Variants in WWOX observed in about 807,000 individuals in gnomAD.
WWOX encodes the protein WW domain containing oxidoreductase.
Under a neutral mutation model 46.2 loss-of-function variants are expected in WWOX, and 69 were observed. That is an observed-to-expected ratio of 1.49 (90% CI 1.23 to 1.82). WWOX has a LOEUF of 1.82. Among genes scored for constraint, WWOX ranks in the 40% most tolerant of loss-of-function variants. WWOX has a pLI of 0.00. For synonymous variants in WWOX, 359 were observed against 202.6 expected, an observed-to-expected ratio of 1.77 and a Z score of -6.56; for missense variants, 919 against 542.6, an observed-to-expected ratio of 1.69 and a Z score of -6.89.
At chr16:78,518,691 A>G (rs548785300) in intron 8 of WWOX, among the ~76,000 whole-genome samples, 2 of 152,332 alleles carry the variant, frequency 1.3e-5, no homozygotes, top group East Asian at 1.9e-4. Context: ...AGCAGCCACC[A>G]TGCAAGGTCC....
At chr16:79,110,919 G>A (rs776789043) in intron 8 of WWOX, 4 of 152,170 alleles carry the variant, frequency 2.6e-5, no homozygotes, top group African/African-American at 9.7e-5. Context: ...ATGAGATATC[G>A]AGACATGCCT....
chr16:78,592,625 GC>G (rs2045378080), intron 8 of WWOX, among the ~76,000 whole-genome samples: 1 of 152,186 alleles, frequency 6.6e-6, no homozygotes, highest in Non-Finnish European at 1.5e-5. Flanking sequence ...GGAAGACAAG[GC>G]CTGGCATATT....
intron 5 of WWOX, among the ~76,000 whole-genome samples, chr16:78,261,746 GTGTGTC>G (rs1161849449): frequency 1.4e-5 from 2 of 139,316 alleles, no homozygotes; most frequent in Non-Finnish European, 3.1e-5. Context: ...ATGTGTGTGT[GTGTGTC>G]TGTCTATCTA....
chr16:78,477,916 G>C (rs563981493), intron 8 of WWOX, among the ~76,000 whole-genome samples: 2 of 152,200 alleles, frequency 1.3e-5, no homozygotes, highest in Admixed American at 6.5e-5. Context: ...AAGATATTCT[G>C]GTTATGTTCG....
chr16:78,346,044 C>G (rs2081089336), intron 5 of WWOX, among the ~76,000 whole-genome samples: 2 of 121,470 alleles, frequency 1.6e-5, no homozygotes, highest in African/African-American at 5.6e-5. Flanking sequence ...CAGACAGCCT[C>G]AGCTCCAGGA....
chr16:79,041,762 T>C (rs990237831), intron 8 of WWOX, among the ~76,000 whole-genome samples: 1 of 152,158 alleles, frequency 6.6e-6, no homozygotes, highest in African/African-American at 2.4e-5. Flanking sequence ...CTTTAATGCT[T>C]TACACTTTTG....
chr16:78,464,615 G>A (rs183377942), intron 8 of WWOX, among the ~76,000 whole-genome samples: 1 of 152,252 alleles, frequency 6.6e-6, no homozygotes, highest in Non-Finnish European at 1.5e-5. Flanking sequence ...AGCAAGTCAG[G>A]ATTTGAAGGC....
intron 8 of WWOX, among the ~76,000 whole-genome samples, chr16:79,134,464 TGC>T (rs2049943882): frequency 6.6e-6 from 1 of 152,172 alleles, no homozygotes; most frequent in African/African-American, 2.4e-5. Context: ...GGGAGCTATG[TGC>T]AGAATGAGGT....
chr16:78,770,539 G>A (rs371978385), intron 8 of WWOX, among the ~76,000 whole-genome samples: 218 of 152,236 alleles, frequency 1.4e-3, no homozygotes, highest in African/African-American at 5.0e-3. Context: ...CCCCATAAAG[G>A]TGGGACTCAC....
chr16:78,354,454 A>T (rs2081244739), intron 5 of WWOX, among the ~76,000 whole-genome samples: 1 of 151,946 alleles, frequency 6.6e-6, no homozygotes, highest in Non-Finnish European at 1.5e-5. Flanking sequence ...TCATTACTGC[A>T]GTTTAATTTT....
chr16:79,208,551 A>G (rs1415042671), intron 8 of WWOX, among the ~76,000 whole-genome samples: 11 of 152,176 alleles, frequency 7.2e-5, no homozygotes, highest in South Asian at 2.1e-4. Flanking sequence ...TGGCTCTTTC[A>G]TCTTTTCTGC....
At chr16:78,370,533 T>G (rs1287450507) in intron 5 of WWOX, among the ~76,000 whole-genome samples, 2 of 152,056 alleles carry the variant, frequency 1.3e-5, no homozygotes, top group East Asian at 1.9e-4. Context: ...TTTAAATGTT[T>G]CTATTCTTCT....
At chr16:78,337,367 A>G (rs540734255) in intron 5 of WWOX, among the ~76,000 whole-genome samples, 83 of 152,338 alleles carry the variant, frequency 5.4e-4, no homozygotes, top group Non-Finnish European at 9.1e-4. Flanking sequence ...AATTGAGCAT[A>G]TAGTACATGC....
At chr16:78,419,111 A>G (rs1033593502) in intron 6 of WWOX, among the ~76,000 whole-genome samples, 1 of 152,152 alleles carries the variant, frequency 6.6e-6, no homozygotes, top group Non-Finnish European at 1.5e-5. Context: ...AAGTAGGATA[A>G]AAGTTTAATA....
intron 8 of WWOX, among the ~76,000 whole-genome samples, chr16:78,762,833 C>G (rs548760191): frequency 6.6e-6 from 1 of 152,164 alleles, no homozygotes; most frequent in African/African-American, 2.4e-5. Flanking sequence ...CATAAAAGCA[C>G]CTACTTGTTA....
chr16:78,897,934 T>G (rs2044739778), intron 8 of WWOX: 2 of 152,190 alleles, frequency 1.3e-5, no homozygotes, highest in African/African-American at 4.8e-5. Context: ...CCTCTTTTTA[T>G]GAACTCATTG....
At chr16:78,397,161 T>A (rs1362107966) in intron 6 of WWOX, among the ~76,000 whole-genome samples, 1 of 152,160 alleles carries the variant, frequency 6.6e-6, no homozygotes, top group Non-Finnish European at 1.5e-5. Context: ...AGAGTTTAAG[T>A]GGAACAGTGT....
intron 8 of WWOX, among the ~76,000 whole-genome samples, chr16:78,880,835 A>G (rs533358242): frequency 1.3e-5 from 2 of 152,118 alleles, no homozygotes; most frequent in South Asian, 2.1e-4. Context: ...CTAAGTTGGG[A>G]TCAGTTCACG....
chr16:78,110,783 G>A (rs527474916), intron 3 of WWOX, among the ~76,000 whole-genome samples: 2 of 152,320 alleles, frequency 1.3e-5, no homozygotes, highest in African/African-American at 2.4e-5. Context: ...CTTACTGCCA[G>A]TGACACAGAC....
Sources: gnomAD v4.1 joint callset for allele counts (sites outside exome capture counted in the v4.1 genomes callset) on GRCh38, gnomAD v4.1.1 for gene constraint, MANE v1.5 for transcripts, NCBI Gene and HGNC (gene_info 2026-07-23, HGNC 2026-07-21) for gene names.